SUSD1: variants seen among roughly 807,000 people sequenced by gnomAD.
SUSD1 encodes the protein sushi domain containing 1.
SUSD1 carries 65 observed loss-of-function variants against 86.9 expected under a neutral mutation model. That is an observed-to-expected ratio of 0.75 (90% CI 0.61 to 0.92). The LOEUF (loss-of-function observed/expected upper bound fraction) is 0.92. Ranked by LOEUF, SUSD1 falls within the 40% of genes least tolerant of loss-of-function variation. The probability of loss-of-function intolerance (pLI) is 0.00; values close to 1 mark genes in which losing one functional copy is unlikely to be tolerated. For synonymous variants in SUSD1, 346 were observed against 350.0 expected, an observed-to-expected ratio of 0.99 and a Z score of 0.13; for missense variants, 850 against 929.7, an observed-to-expected ratio of 0.91 and a Z score of 1.11.
intron 2 of SUSD1, among the ~76,000 whole-genome samples, chr9:112,155,632 T>G (rs1833265052): frequency 6.6e-6 from 1 of 152,012 alleles, no homozygotes; most frequent in Admixed American, 6.6e-5. Context: ...TTTTTTTATT[T>G]TTAAGAGATG....
At chr9:112,165,305 A>G (rs1245367729) in intron 1 of SUSD1, among the ~76,000 whole-genome samples, 1 of 152,114 alleles carries the variant, frequency 6.6e-6, no homozygotes, top group East Asian at 1.9e-4. Context: ...ATTATAAACA[A>G]TAGTCATAGT....
At chr9:112,174,215 C>T (rs1787122570) in intron 1 of SUSD1, among the ~76,000 whole-genome samples, 1 of 152,140 alleles carries the variant, frequency 6.6e-6, no homozygotes, top group East Asian at 1.9e-4. Flanking sequence ...GGTGACAGTG[C>T]CTTCTGCTAT....
Position 112,149,339 on chromosome 9 carries a change from T to A in SUSD1, c.278A>T (p.Asn93Ile), listed in dbSNP as rs1284348844. 6.2e-7 allele frequency: 1 copy of A among 1,614,100 alleles called. No homozygotes were observed. Among genetic ancestry groups the A allele is most frequent in the Admixed American group, 1.7e-5 (1 of 59,994 alleles). The part of the protein sequence containing the change: ...LVCGNHTSCH[N>I]TPGGFYCICL... ...AATGCAATAGAAGCCCCCGGGGGTGTTGTGGCAAGATGTGTGGTTCCCACA... is the reference window on the plus strand; with the variant it reads ...AATGCAATAGAAGCCCCCGGGGGTGATGTGGCAAGATGTGTGGTTCCCACA... Residue 93 changes from asparagine to isoleucine, a missense_variant, in exon 3 of 17, where the codon AAC (asparagine) becomes ATC (isoleucine). Coordinates refer to ENST00000374270, the MANE Select transcript of SUSD1 (RefSeq NM_022486.5).
At chr9:112,099,015 TTCTCTC>T (rs58040511) in intron 9 of SUSD1, among the ~76,000 whole-genome samples, 4,564 of 145,924 alleles carry the variant, frequency 0.031, 98 homozygotes, top group East Asian at 0.065. Flanking sequence ...GAATACTTCG[TTCTCTC>T]TCTCTCTCTC....
chr9:112,157,346 A>G (rs1199352913), intron 2 of SUSD1, among the ~76,000 whole-genome samples, 154 bp downstream of exon 2: 2 of 152,214 alleles, frequency 1.3e-5, no homozygotes, highest in African/African-American at 4.8e-5. Context: ...TCCAAACACT[A>G]AAACAAAGAC....
intron 6 of SUSD1, 91 bp from the exon 7 acceptor site, chr9:112,112,959 T>C (rs1831168251): frequency 1.3e-6 from 1 of 741,670 alleles, no homozygotes; most frequent in Non-Finnish European, 2.4e-6. Flanking sequence ...ATAGCTGGTA[T>C]CTCTGCTGGT....
chr9:112,058,732 GTTCA>G (rs779510468), intron 13 of SUSD1, 46 bp from the exon 14 acceptor site: 20 of 1,591,834 alleles, frequency 1.3e-5, no homozygotes, highest in Admixed American at 3.6e-5. Context: ...TGCATGGGGA[GTTCA>G]TTCATTCATT....
chr9:112,076,460 A>C (rs1242511116), intron 12 of SUSD1, among the ~76,000 whole-genome samples: 1 of 152,230 alleles, frequency 6.6e-6, no homozygotes, highest in Non-Finnish European at 1.5e-5. Context: ...AAATTCCAAT[A>C]ACAGACAGAA....
intron 12 of SUSD1, among the ~76,000 whole-genome samples, chr9:112,074,729 G>A (rs960176169): frequency 6.6e-6 from 1 of 151,450 alleles, no homozygotes; most frequent in African/African-American, 2.4e-5. Context: ...AGGAAACCAC[G>A]AGTATCTCTG....
At chr9:112,087,098 A>G (rs1342721814) in intron 10 of SUSD1, among the ~76,000 whole-genome samples, 2 of 152,062 alleles carry the variant, frequency 1.3e-5, no homozygotes, top group Non-Finnish European at 2.9e-5. Context: ...AGTCCTATAC[A>G]TTAATAAACT....
chr9:112,086,094 A>T (rs1434161508), intron 10 of SUSD1, among the ~76,000 whole-genome samples: 1 of 152,106 alleles, frequency 6.6e-6, no homozygotes, highest in Non-Finnish European at 1.5e-5. Flanking sequence ...GCTTGAGCCC[A>T]GGAGTTTCAG....
chr9:112,078,812 T>A, intron 11 of SUSD1, 88 bp from the exon 12 acceptor site: 14 of 186,774 alleles, frequency 7.5e-5, no homozygotes, highest in Non-Finnish European at 1.0e-4. Flanking sequence ...TTTCTTTCTC[T>A]TTTTTTTTTT....
intron 12 of SUSD1, among the ~76,000 whole-genome samples, chr9:112,065,377 T>G (rs1019977598): frequency 8.5e-5 from 13 of 152,070 alleles, no homozygotes; most frequent in Non-Finnish European, 1.5e-4. Flanking sequence ...ATACAAAAAT[T>G]AGCCAGGCAT....
intron 10 of SUSD1, among the ~76,000 whole-genome samples, chr9:112,095,599 T>G (rs2762467): frequency 0.14 from 20,923 of 152,212 alleles, 1,806 homozygotes; most frequent in East Asian, 0.22. Flanking sequence ...ACAGATCAGC[T>G]GAGGGTAATT....
At chr9:112,061,701 C>T (rs1370809651) in intron 13 of SUSD1, among the ~76,000 whole-genome samples, 1 of 152,144 alleles carries the variant, frequency 6.6e-6, no homozygotes, top group East Asian at 1.9e-4. Flanking sequence ...GATCTTTGCA[C>T]ATTTACTGAA....
intron 8 of SUSD1, chr9:112,103,060 AAGACTGC>A: frequency 2.6e-6 from 1 of 389,558 alleles, no homozygotes; most frequent in Non-Finnish European, 5.1e-6. Context: ...CCCAACAAAC[AAGACTGC>A]ATGTTTTCTA....
At chr9:112,136,216 T>C (rs934051606) in intron 5 of SUSD1, among the ~76,000 whole-genome samples, 14 of 152,186 alleles carry the variant, frequency 9.2e-5, no homozygotes, top group African/African-American at 3.4e-4. Flanking sequence ...TTAATTGTTT[T>C]TTAATTTTTA....
rs1161048207 is a variant in SUSD1, at chr9:112,165,985, G to GAAAGAA, written c.104-8378_104-8373dup. Among the ~76,000 whole-genome samples, 93 of 151,218 alleles carry GAAAGAA rather than the reference G, an allele frequency of 6.2e-4. 1 individual carries two copies. In the East Asian group the frequency reaches 0.014, roughly 23 times the overall value. ...AGAAAGAAAGAAAGAAAGAAAGAAA[G>GAAAGAA]AAAGAAAGAAAATAATTTAGCATAA... On this transcript the variant is annotated intron_variant, in intron 1 of 16. Coordinates refer to ENST00000374270, the MANE Select transcript of SUSD1 (RefSeq NM_022486.5).
intron 1 of SUSD1, among the ~76,000 whole-genome samples, chr9:112,165,254 G>A (rs1298510158): frequency 6.6e-6 from 1 of 152,066 alleles, no homozygotes; most frequent in Non-Finnish European, 1.5e-5. Flanking sequence ...ATCATGTATT[G>A]TAAAATGGGA....
Sources: allele counts gnomAD v4.1 joint callset (sites outside exome capture counted in the v4.1 genomes callset), GRCh38; gene constraint gnomAD v4.1.1; transcripts MANE v1.5; gene names NCBI Gene and HGNC (gene_info 2026-07-23, HGNC 2026-07-21).